The following ZNF385D variants were observed in gnomAD, a reference collection of about 807,000 sequenced individuals.
The protein encoded by ZNF385D is zinc finger protein 385D.
Under a neutral mutation model 35.8 loss-of-function variants are expected in ZNF385D, and 15 were observed. The ratio of observed to expected loss-of-function variants is 0.42; its 90% CI spans 0.28 to 0.64. ZNF385D has a LOEUF of 0.64. Ranked by LOEUF, ZNF385D falls within the 30% of genes least tolerant of loss-of-function variation. ZNF385D has a pLI of 0.23. For missense variants in ZNF385D, 474 were observed against 494.6 expected, an observed-to-expected ratio of 0.96 and a Z score of 0.39; for synonymous variants, 212 against 186.8, an observed-to-expected ratio of 1.13 and a Z score of -1.10.
chr3:21,789,577 C>CT (rs1442278498), intron 3 of ZNF385D, among the ~76,000 whole-genome samples: 2 of 152,080 alleles, frequency 1.3e-5, no homozygotes, highest in African/African-American at 4.8e-5. Flanking sequence ...AAGCAAAAAC[C>CT]TTAATAGATT....
chr3:21,758,383 C>A (rs575327782), intron 3 of ZNF385D, among the ~76,000 whole-genome samples: 13 of 152,280 alleles, frequency 8.5e-5, no homozygotes, highest in African/African-American at 2.6e-4. Flanking sequence ...TAGGAAGCAG[C>A]AACTCTTGTT....
At chr3:21,557,121 G>A (rs1233594035) in intron 3 of ZNF385D, among the ~76,000 whole-genome samples, 1 of 151,966 alleles carries the variant, frequency 6.6e-6, no homozygotes, top group Non-Finnish European at 1.5e-5. Flanking sequence ...AAACAGACAA[G>A]TTGACTTCCC....
At chr3:21,447,651 T>C (rs1185731536) in intron 4 of ZNF385D, among the ~76,000 whole-genome samples, 1 of 152,158 alleles carries the variant, frequency 6.6e-6, no homozygotes, top group Admixed American at 6.6e-5. Context: ...TATCTAACGG[T>C]TGGAATTATG....
chr3:21,514,593 A>T lies in ZNF385D; in HGVS notation c.277-3570T>A, dbSNP rs140643737. 3.7e-3 allele frequency among the ~76,000 whole-genome samples: 570 copies of T among 152,158 alleles called. 1 individual carries two copies. Among genetic ancestry groups the T allele is most frequent in the African/African-American group, 0.013 (551 of 41,556 alleles). On this transcript the variant is annotated intron_variant, in intron 3 of 7. Transcript: ENST00000281523. Reference sequence around the variant, plus strand: ...CAGCAACTGGACTTAAGTCAACCACAGGCAGCCAACGGTTCAAACCAAATT... The same window carrying T: ...CAGCAACTGGACTTAAGTCAACCACTGGCAGCCAACGGTTCAAACCAAATT...
chr3:21,486,177 G>A (rs1324543768), intron 4 of ZNF385D, among the ~76,000 whole-genome samples: 15 of 138,516 alleles, frequency 1.1e-4, no homozygotes, highest in East Asian at 2.0e-4. Flanking sequence ...AAATTCAGCC[G>A]ATGACCAGCT....
chr3:21,852,168 C>T (rs909103918), intron 3 of ZNF385D, among the ~76,000 whole-genome samples: 1 of 151,888 alleles, frequency 6.6e-6, no homozygotes, highest in Non-Finnish European at 1.5e-5. Flanking sequence ...CGTTGTTAAA[C>T]AATTAAAAAT....
chr3:21,623,991 G>A (rs990993461), intron 2 of ZNF385D, among the ~76,000 whole-genome samples: 4 of 152,036 alleles, frequency 2.6e-5, no homozygotes, highest in African/African-American at 7.2e-5. Flanking sequence ...GCTTTATGAC[G>A]ACTTATGGTA....
chr3:21,994,541 C>A (rs1576109573), intron 3 of ZNF385D, among the ~76,000 whole-genome samples: 1 of 151,708 alleles, frequency 6.6e-6, no homozygotes, highest in South Asian at 2.1e-4. Flanking sequence ...TCATAGATTT[C>A]TCTTTCATTG....
intron 2 of ZNF385D, among the ~76,000 whole-genome samples, chr3:22,309,332 G>A (rs775078715): frequency 5.3e-5 from 8 of 151,948 alleles, no homozygotes; most frequent in Non-Finnish European, 1.2e-4. Flanking sequence ...AATTATTCAT[G>A]TGGAAATCCG....
chr3:21,759,122 T>G (rs1347219901), intron 3 of ZNF385D, among the ~76,000 whole-genome samples: 1 of 150,366 alleles, frequency 6.7e-6, no homozygotes, highest in African/African-American at 2.5e-5. Flanking sequence ...TCCAAAAATA[T>G]AACTAAAAAC....
chr3:21,721,517 T>G (rs2068540703), intron 1 of ZNF385D, among the ~76,000 whole-genome samples: 1 of 151,938 alleles, frequency 6.6e-6, no homozygotes, highest in Non-Finnish European at 1.5e-5. Flanking sequence ...TAACTTATTT[T>G]TTTGCTTTGA....
At chr3:21,611,057 CAA>C (rs2064661670) in intron 2 of ZNF385D, among the ~76,000 whole-genome samples, 1 of 152,184 alleles carries the variant, frequency 6.6e-6, no homozygotes, top group Non-Finnish European at 1.5e-5. Flanking sequence ...CTTACTTCTT[CAA>C]AGTCAGCAAG....
intron 3 of ZNF385D, among the ~76,000 whole-genome samples, chr3:21,901,225 C>A (rs982353453): frequency 8.5e-5 from 13 of 152,298 alleles, no homozygotes; most frequent in Admixed American, 8.5e-4. Context: ...GATCCCCCTG[C>A]CTCGGCATCC....
intron 3 of ZNF385D, among the ~76,000 whole-genome samples, chr3:22,109,871 A>G (rs1702419113): frequency 6.6e-6 from 1 of 152,190 alleles, no homozygotes; most frequent in African/African-American, 2.4e-5. Context: ...AATTTTTGCA[A>G]TCTACTCATC....
In ZNF385D at chr3:22,138,155, T is replaced by C. The variant is rs573624354; in HGVS notation, c.325+30662A>G. On this transcript the variant is annotated intron_variant, in intron 3 of 5. Coordinates refer to the ZNF385D transcript ENST00000494108. ...AGGAGAACTACAAACCACTGCTCAA[T>C]GAAATAAAAGAGGATACAAACAAAT... is the stretch of plus-strand genomic sequence containing the variant. Among the ~76,000 whole-genome samples, 6 of 152,006 alleles carry C rather than the reference T, an allele frequency of 3.9e-5. No homozygotes were observed. The East Asian group carries it at 1.2e-3, about 29-fold the overall frequency.
chr3:22,284,960 A>C (rs1287751126), intron 2 of ZNF385D, among the ~76,000 whole-genome samples: 2 of 152,128 alleles, frequency 1.3e-5, no homozygotes, highest in Non-Finnish European at 2.9e-5. Context: ...TGGAAGGATC[A>C]AGATGTGAAG....
Position 22,245,467 on chromosome 3 carries a change from A to T in ZNF385D, c.107-76432T>A, listed in dbSNP as rs181184717. Among the ~76,000 whole-genome samples, 6 of 135,424 alleles carry T rather than the reference A, an allele frequency of 4.4e-5. No individual in the cohort carries two copies. In the Admixed American group the frequency reaches 4.5e-4, roughly 10 times the overall value. 88.8% of individuals were successfully genotyped at this position (135,424 alleles called of 152,430 possible). On this transcript the variant is annotated intron_variant, in intron 2 of 5. Transcript: ENST00000494108. ...ACTCAGCTATTATGACTTCTCAAAG[A>T]CAGGATAAGCCAAAAAAAAAAAAAA...
At chr3:21,805,253 GGTAGTGAGA>G (rs1332031981) in intron 3 of ZNF385D, among the ~76,000 whole-genome samples, 2 of 152,092 alleles carry the variant, frequency 1.3e-5, no homozygotes, top group African/African-American at 4.8e-5. Context: ...TTCAAATTAG[GGTAGTGAGA>G]GAGAATATAT....
chr3:22,337,411 A>G (rs1022585107), intron 2 of ZNF385D, among the ~76,000 whole-genome samples: 3 of 152,082 alleles, frequency 2.0e-5, no homozygotes, highest in Non-Finnish European at 2.9e-5. Flanking sequence ...GCGCATGCCT[A>G]TAATCCCAGC....
Sources: allele counts gnomAD v4.1 joint callset (sites outside exome capture counted in the v4.1 genomes callset), GRCh38; gene constraint gnomAD v4.1.1; transcripts MANE v1.5; gene names NCBI Gene and HGNC (gene_info 2026-07-23, HGNC 2026-07-21).